The following CACNA1A variants were observed in gnomAD, a reference collection of about 807,000 sequenced individuals.
The protein encoded by CACNA1A is calcium voltage-gated channel subunit alpha1 A.
Under a neutral mutation model 262.4 loss-of-function variants are expected in CACNA1A, and 57 were observed. The observed-to-expected ratio is 0.22, with a 90% confidence interval of 0.18 to 0.27. The LOEUF (loss-of-function observed/expected upper bound fraction) is 0.27, where lower values mean the gene tolerates loss of function less well. Ranked by LOEUF, CACNA1A falls within the 10% of genes least tolerant of loss-of-function variation. The pLI is 1.00. For missense variants in CACNA1A, 2,526 were observed against 3,562.8 expected, an observed-to-expected ratio of 0.71 and a Z score of 7.41; for synonymous variants, 1,431 against 1,419.3, an observed-to-expected ratio of 1.01 and a Z score of -0.18.
intron 6 of CACNA1A, among the ~76,000 whole-genome samples, chr19:13,353,900 C>G (rs1380389901): frequency 6.6e-6 from 1 of 152,194 alleles, no homozygotes; most frequent in Non-Finnish European, 1.5e-5. Flanking sequence ...ATCACTTGTT[C>G]TCTTGTGTAG....
chr19:13,300,705 G>A, intron 17 of CACNA1A, 49 bp from the exon 18 acceptor site: 2 of 1,454,388 alleles, frequency 1.4e-6, no homozygotes, highest in South Asian at 2.3e-5. Context: ...CTAGGCCTTG[G>A]GGACTCACTT....
In CACNA1A at chr19:13,214,219, G is replaced by A. The variant is rs374115419; in HGVS notation, c.5940+14C>T. 8.8e-6 allele frequency: 14 copies of A among 1,594,848 alleles called. No individual in the cohort carries two copies. Among genetic ancestry groups the A allele is most frequent in the Admixed American group, 5.1e-5 (3 of 58,958 alleles). ...TCCCCAGCCCAGATGTCCCCAGAGC[G>A]GCGAACAGCGCACCTGCTCCTCGCG... On this transcript the variant is annotated intron_variant, in intron 40 of 46. Transcript: ENST00000360228. The surrounding 1 kb of genome is among the most constrained non-coding windows in gnomAD (Gnocchi z 4.1).
At chr19:13,313,459 C>T (rs1207629225) in intron 11 of CACNA1A, among the ~76,000 whole-genome samples, 1 of 148,002 alleles carries the variant, frequency 6.8e-6, no homozygotes, top group East Asian at 2.0e-4. Context: ...AAGATTGGGC[C>T]ACCCTACTGT....
intron 31 of CACNA1A, among the ~76,000 whole-genome samples, chr19:13,242,928 G>C (rs2056119816): frequency 6.6e-6 from 1 of 152,184 alleles, no homozygotes; most frequent in Admixed American, 6.5e-5. Flanking sequence ...GATGTCCCAT[G>C]AACACCCCAT....
intron 15 of CACNA1A, chr19:13,307,240 CT>C (rs1445105717): frequency 6.8e-6 from 1 of 147,054 alleles, no homozygotes; most frequent in Non-Finnish European, 1.5e-5. Context: ...TTTTTTTTTT[CT>C]TTTTCTTTTT....
rs142969913 is a variant in CACNA1A, at chr19:13,341,535, C to T, written c.979-5626G>A. Among the ~76,000 whole-genome samples the T allele has an allele frequency of 5.9e-5, 9 of 152,312 alleles. No individual in the cohort carries two copies. The East Asian group carries it at 7.7e-4, about 13-fold the overall frequency. ...CTCCTCCCCTTTTCCCTCGCTCATT[C>T]GGTTCCAGCCACCTGGCTTCCTTGC... On this transcript the variant is annotated intron_variant, in intron 6 of 46. Transcript: ENST00000360228.
intron 3 of CACNA1A, among the ~76,000 whole-genome samples, chr19:13,441,320 A>C (rs1367353369): frequency 1.3e-5 from 2 of 151,944 alleles, no homozygotes; most frequent in African/African-American, 4.8e-5. Context: ...CCTGCACAAG[A>C]AGCAGCTGGG....
rs941666561 is a variant in CACNA1A, at chr19:13,360,265, G to GTGTA, written c.785-467_785-466insTACA. Among the ~76,000 whole-genome samples, 853 of 124,196 alleles carry GTGTA rather than the reference G, an allele frequency of 6.9e-3. 11 individuals are homozygous for GTGTA. Among genetic ancestry groups the GTGTA allele is most frequent in the African/African-American group, 0.023 (736 of 31,830 alleles). The allele number at this position is 124,196 out of a possible 152,430, so 81.5% of individuals were successfully genotyped here. ...ATTAGGTGTCTGTGTGTGTGTGTGT[G>GTGTA]TATATATATATATATATATATGAAG... On this transcript the variant is annotated intron_variant, in intron 5 of 46. Transcript: ENST00000360228.
At chr19:13,370,717 C>T (rs62111194) in intron 4 of CACNA1A, 19,789 of 148,594 alleles carry the variant, frequency 0.13, 1,991 homozygotes, top group East Asian at 0.31. Context: ...AGCCACTGTG[C>T]CCAGTCAACC....
rs551816597 is a variant in CACNA1A at position 13,385,480 on chromosome 19, G to A, written c.540-13701C>T. 2.5e-3 allele frequency among the ~76,000 whole-genome samples: 374 copies of A among 151,610 alleles called. 2 individuals are homozygous for A. Among genetic ancestry groups the A allele is most frequent in the African/African-American group, 8.0e-3 (332 of 41,336 alleles). On this transcript the variant is annotated intron_variant, in intron 3 of 46. Transcript: ENST00000360228. ...CCTGACCTTGCGATTCACCTGCCTC[G>A]GCCTCCCAAAGTGCTGGGATTACAG...
intron 1 of CACNA1A, among the ~76,000 whole-genome samples, chr19:13,497,500 AAAAAAAAAAAAAAAAAAAAAAAT>A (rs1981685716): frequency 3.0e-5 from 1 of 32,910 alleles, no homozygotes; most frequent in African/African-American, 1.2e-4. Flanking sequence ...AAAAAAAAAA[AAAAAAAAAAAAAAAAAAAAAAAT>A]ATATATATAT....
intron 35 of CACNA1A, 131 bp downstream of exon 35, chr19:13,231,578 TC>T (rs1317967084): frequency 2.2e-6 from 2 of 912,834 alleles, no homozygotes; most frequent in Non-Finnish European, 3.3e-6. Context: ...GGTCACCTGA[TC>T]CCAGGCTGGT....
At chr19:13,407,644 A>T (rs2060034645) in intron 3 of CACNA1A, among the ~76,000 whole-genome samples, 1 of 152,164 alleles carries the variant, frequency 6.6e-6, no homozygotes, top group Non-Finnish European at 1.5e-5. Flanking sequence ...TTGTTGATGG[A>T]GACGTCCATC....
intron 8 of CACNA1A, 61 bp from the exon 9 acceptor site, chr19:13,332,986 C>CA: frequency 7.3e-7 from 1 of 1,363,058 alleles, no homozygotes; most frequent in Non-Finnish European, 1.0e-6. Context: ...TCCCTTGGAC[C>CA]AGGAAGAAGG....
chr19:13,373,350 G>A (rs1330056368), intron 3 of CACNA1A, among the ~76,000 whole-genome samples: 1 of 152,170 alleles, frequency 6.6e-6, no homozygotes, highest in African/African-American at 2.4e-5. Context: ...CCAGGGGCTT[G>A]GGTCTTAACA....
chr19:13,435,427 G>A (rs2144851435), intron 3 of CACNA1A, among the ~76,000 whole-genome samples: 1 of 152,068 alleles, frequency 6.6e-6, no homozygotes, highest in Non-Finnish European at 1.5e-5. Context: ...TCTCGTTATA[G>A]CAATGTGAGA....
At chr19:13,403,102 T>G (rs926896227) in intron 3 of CACNA1A, among the ~76,000 whole-genome samples, 7 of 151,298 alleles carry the variant, frequency 4.6e-5, no homozygotes, top group Non-Finnish European at 8.8e-5. Context: ...CCAAATTCCC[T>G]TTACCCGACT....
intron 27 of CACNA1A, chr19:13,257,795 C>A (rs541093987): frequency 8.4e-5 from 26 of 310,312 alleles, no homozygotes; most frequent in African/African-American, 5.2e-4. Context: ...TGGAGTGCAA[C>A]GGCGTGATCT....
intron 24 of CACNA1A, among the ~76,000 whole-genome samples, chr19:13,270,661 G>A (rs1390300547): frequency 6.6e-6 from 1 of 152,210 alleles, no homozygotes; most frequent in Admixed American, 6.5e-5. Flanking sequence ...TGCAGGAATG[G>A]CTTGATCAAG....
Sources: gnomAD v4.1 joint callset for allele counts (sites outside exome capture counted in the v4.1 genomes callset) on GRCh38, gnomAD v4.1.1 for gene constraint, Gnocchi (gnomAD v3.1) non-coding constraint, MANE v1.5 for transcripts, NCBI Gene and HGNC (gene_info 2026-07-23, HGNC 2026-07-21) for gene names.